The following C12orf76 variants were observed in gnomAD, a reference collection of about 807,000 sequenced individuals.
The protein encoded by C12orf76 is chromosome 12 open reading frame 76.
Under a neutral mutation model 6.8 loss-of-function variants are expected in C12orf76, and 6 were observed. The ratio of observed to expected loss-of-function variants is 0.88; its 90% CI spans 0.48 to 1.73. The LOEUF (loss-of-function observed/expected upper bound fraction) is 1.73. Ranked by LOEUF, C12orf76 falls within the 40% of genes most tolerant of loss-of-function variation. The pLI is 0.01. For missense variants in C12orf76, 99 were observed against 98.2 expected (o/e 1.01, Z -0.03); for synonymous variants, 56 against 43.7 (o/e 1.28, Z -1.11).
intron 2 of C12orf76, among the ~76,000 whole-genome samples, chr12:110,065,370 G>A (rs900524992): frequency 7.2e-5 from 11 of 151,822 alleles, no homozygotes; most frequent in African/African-American, 2.4e-4. Context: ...GGGGTTTTGC[G>A]ACATTGGCCA....
At chr12:110,052,813 C>G (rs1185244373), upstream of C12orf76, among the ~76,000 whole-genome samples, 1 of 152,214 alleles carries the variant, frequency 6.6e-6, no homozygotes, top group Non-Finnish European at 1.5e-5. Context: ...GCTATGTAAC[C>G]ACCCAGGGAG....
chr12:110,059,118 T>C (rs1369752229), exon 3 of C12orf76: 7 of 1,550,574 alleles, frequency 4.5e-6, no homozygotes, highest in African/African-American at 1.4e-5. Flanking sequence ...TTAAATGCTA[T>C]GGTAAATGGA....
chr12:110,045,139 T>C (rs1036556406), intron 1 of C12orf76, among the ~76,000 whole-genome samples: 1 of 152,234 alleles, frequency 6.6e-6, no homozygotes, highest in African/African-American at 2.4e-5. Context: ...CTAAATGTCA[T>C]GTCTTAAAAT....
rs542693559 is a variant in C12orf76, at chr12:110,042,718, C to G, written c.134-259G>C. 76 of 635,080 alleles carry G rather than the reference C, an allele frequency of 1.2e-4. No homozygotes were observed. In the South Asian group the frequency reaches 1.3e-3, roughly 11 times the overall value. 39.3% of individuals were successfully genotyped at this position (635,080 alleles called of 1,614,324 possible). A position where few individuals can be genotyped will look rare whatever the true frequency, so the allele number is the denominator to read the frequency against. On this transcript the variant is annotated intron_variant, in intron 1 of 1. Transcript: ENST00000615315. ...ATGCTAGGGATGGAGACAGGGTGGG[C>G]AGCAAGAAGGGGGGACAGTCAGGAA... is the stretch of plus-strand genomic sequence containing the variant.
chr12:110,052,352 G>A (rs1296510170), upstream of C12orf76, among the ~76,000 whole-genome samples: 3 of 151,886 alleles, frequency 2.0e-5, no homozygotes, highest in Non-Finnish European at 2.9e-5. Flanking sequence ...GTACCACCAC[G>A]CCTGGCTAAT....
In C12orf76 at chr12:110,058,983, A is replaced by G. The variant is rs147434959; in HGVS notation, n.556+5T>C. 13,951 of 1,539,818 alleles carry G rather than the reference A, an allele frequency of 9.1e-3. 70 individuals are homozygous for G. Among genetic ancestry groups the G allele is most frequent in the Non-Finnish European group, 0.01 (11,626 of 1,141,012 alleles). ...CCAACTCTATAAGGAAGGTGCTAGT[A>G]TTACCTCCACCTAATAGCCGAACAA... is the stretch of plus-strand genomic sequence containing the variant. On this transcript the variant is annotated splice_donor_5th_base_variant and intron_variant and non_coding_transcript_variant, in intron 3 of 4. Coordinates refer to the C12orf76 transcript ENST00000309050.
At chr12:110,057,131 T>A in intron 4 of C12orf76, 1 of 1,202,878 alleles carries the variant, frequency 8.3e-7, no homozygotes, top group Non-Finnish European at 1.2e-6. Context: ...CACCATAAAG[T>A]TGTTCTTCAG....
At chr12:110,065,811 A>G in intron 2 of C12orf76, 1 of 1,612,188 alleles carries the variant, frequency 6.2e-7, no homozygotes, top group Non-Finnish European at 8.5e-7. Flanking sequence ...TCAAATTCCA[A>G]CTCTTCCCCT....
chr12:110,070,510 G>A (rs1255349984), upstream of C12orf76, among the ~76,000 whole-genome samples: 1 of 152,128 alleles, frequency 6.6e-6, no homozygotes, highest in Non-Finnish European at 1.5e-5. Context: ...AGGCTGCAGT[G>A]AGCTGTGATC....
upstream of C12orf76, among the ~76,000 whole-genome samples, chr12:110,072,379 TC>T (rs1892969822): frequency 6.6e-6 from 1 of 151,798 alleles, no homozygotes; most frequent in Non-Finnish European, 1.5e-5. Context: ...ATTGTGTGAG[TC>T]CATTTACATG....
upstream of C12orf76, among the ~76,000 whole-genome samples, chr12:110,053,683 G>A (rs899917067): frequency 1.3e-5 from 2 of 152,220 alleles, no homozygotes; most frequent in African/African-American, 2.4e-5. Flanking sequence ...TACATGTGCT[G>A]GAGTTATGGG....
chr12:110,058,929 C>G, intron 3 of C12orf76: 2 of 1,463,392 alleles, frequency 1.4e-6, no homozygotes, highest in African/African-American at 1.4e-5. Context: ...AATTCTTACT[C>G]CCCCCCACCA....
At position 110,042,190 on chromosome 12, in the gene C12orf76, G is replaced by A. The variant is rs764928781; in HGVS notation, c.*184C>T. ...GCGGACTCAGGGGCCAATTATTTGC[G>A]CTACAGTGTTAGGAAAAAATAATGT... is the stretch of plus-strand genomic sequence containing the variant. On this transcript the variant is annotated 3_prime_UTR_variant, in exon 2 of 2. Transcript: ENST00000615315. The A allele has an allele frequency of 6.6e-5, 39 of 591,476 alleles. No individual in the cohort carries two copies. The highest frequency in any genetic ancestry group is 1.0e-4 in the Non-Finnish European group (34 of 329,574). The allele number at this position is 591,476 out of a possible 1,614,324, so 36.6% of individuals were successfully genotyped here. A position where few individuals can be genotyped will look rare whatever the true frequency, so the allele number is the denominator to read the frequency against.
upstream of C12orf76, chr12:110,051,239 C>T (rs1892570139): frequency 2.6e-6 from 2 of 760,524 alleles, no homozygotes; most frequent in Admixed American, 1.8e-5. Context: ...CTGCAGGCCA[C>T]TTCCGTTCCA....
intron 2 of C12orf76, among the ~76,000 whole-genome samples, chr12:110,063,457 A>G (rs1892809593): frequency 8.2e-6 from 1 of 122,560 alleles, no homozygotes; most frequent in African/African-American, 3.0e-5. Context: ...TAATTTTTGT[A>G]TTTTTTTTTT....
chr12:110,058,315 T>C (rs938524736), intron 3 of C12orf76, among the ~76,000 whole-genome samples: 2 of 152,190 alleles, frequency 1.3e-5, no homozygotes, highest in Admixed American at 1.3e-4. Context: ...GATAGATCTA[T>C]GATACACAAT....
At chr12:110,055,619 G>A (rs141197364) in intron 4 of C12orf76, among the ~76,000 whole-genome samples, 21 of 152,290 alleles carry the variant, frequency 1.4e-4, no homozygotes, top group Non-Finnish European at 2.2e-4. Context: ...AGAGTAATTC[G>A]TGCAGAGCCA....
At chr12:110,057,136 C>T (rs1892683427) in intron 4 of C12orf76, 1 of 1,290,064 alleles carries the variant, frequency 7.8e-7, no homozygotes, top group South Asian at 1.2e-5. Flanking sequence ...TAAAGTTGTT[C>T]TTCAGAGTCC....
chr12:110,041,920 T>TA lies in C12orf76; in HGVS notation c.*453dup, dbSNP rs202140938. 8,357 of 159,300 alleles carry TA rather than the reference T, an allele frequency of 0.052. 290 individuals are homozygous for TA. Among genetic ancestry groups the TA allele is most frequent in the East Asian group, 0.11 (629 of 5,902 alleles). 9.9% of individuals were successfully genotyped at this position (159,300 alleles called of 1,614,324 possible). ...CATTCTAGGCTAACTCAGGTGAGAT[T>TA]AAAAAAAAAAATCTGTGATTCTTAA... On this transcript the variant is annotated 3_prime_UTR_variant, in exon 2 of 2. Coordinates refer to ENST00000615315, the MANE Select transcript of C12orf76 (RefSeq NM_001389625.1).
Sources: allele counts gnomAD v4.1 joint callset (sites outside exome capture counted in the v4.1 genomes callset), GRCh38; gene constraint gnomAD v4.1.1; transcripts MANE v1.5; gene names NCBI Gene and HGNC (gene_info 2026-07-23, HGNC 2026-07-21).